TXNDC12: variants seen among roughly 807,000 people sequenced by gnomAD.
TXNDC12 encodes thioredoxin domain containing 12.
A neutral mutation model predicts 24.2 loss-of-function variants in TXNDC12; 22 were observed. That is an observed-to-expected ratio of 0.91 (90% CI 0.65 to 1.30). The LOEUF (loss-of-function observed/expected upper bound fraction) is 1.30, where lower values mean the gene tolerates loss of function less well. Among genes scored for constraint, TXNDC12 ranks in the 50% most tolerant of loss-of-function variants. The pLI, the probability that TXNDC12 is intolerant of heterozygous loss-of-function variation, is 0.00. For synonymous variants in TXNDC12, 58 were observed against 73.4 expected, an observed-to-expected ratio of 0.79 and a Z score of 1.07; for missense variants, 184 against 205.8, an observed-to-expected ratio of 0.89 and a Z score of 0.65.
rs1422817615 is a variant in TXNDC12, at chr1:52,055,172, C to G, written c.-76G>C. ...CCAGCAGACGGTCCACACAGTTCGCCGAGCGCCGCTCAGCACAACACCTCT... is the reference window on the plus strand; with the variant it reads ...CCAGCAGACGGTCCACACAGTTCGCGGAGCGCCGCTCAGCACAACACCTCT... On this transcript the variant is annotated 5_prime_UTR_variant, in exon 1 of 7. Transcript: ENST00000371626. 9.6e-7 allele frequency: 1 copy of G among 1,039,926 alleles called. No individual in the cohort carries two copies. Among genetic ancestry groups the G allele is most frequent in the Non-Finnish European group, 1.5e-6 (1 of 667,218 alleles). 64.4% of individuals were successfully genotyped at this position (1,039,926 alleles called of 1,614,324 possible).
rs111745022 is a variant in TXNDC12, at chr1:52,041,338, G to GA, written c.158+198dup. On this transcript the variant is annotated intron_variant, in intron 2 of 6. Transcript: ENST00000371626. ...AGAGAGTGAGACTCCATCTCAAAAA[G>GA]AAAAAAAAAAAAAGAAAAAAAACCC... Among the ~76,000 whole-genome samples, 516 of 100,994 alleles carry GA rather than the reference G, an allele frequency of 5.1e-3. 2 individuals are homozygous for GA. The highest frequency in any genetic ancestry group is 0.012 in the African/African-American group (344 of 27,894). 66.3% of individuals were successfully genotyped at this position (100,994 alleles called of 152,430 possible).
chr1:52,039,084 G>A (rs531341586), intron 2 of TXNDC12, among the ~76,000 whole-genome samples: 20 of 41,112 alleles, frequency 4.9e-4, no homozygotes, highest in African/African-American at 2.1e-3. Context: ...GCAAGACACC[G>A]TCTCAAAAAA....
chr1:52,046,470 C>G (rs1342034208), intron 1 of TXNDC12, among the ~76,000 whole-genome samples: 1 of 152,032 alleles, frequency 6.6e-6, no homozygotes, highest in African/African-American at 2.4e-5. Context: ...AGGTTTTTGG[C>G]CTGGACAAGT....
chr1:52,047,622 T>G (rs775027605), intron 1 of TXNDC12, among the ~76,000 whole-genome samples: 2 of 151,916 alleles, frequency 1.3e-5, no homozygotes, highest in African/African-American at 2.4e-5. Flanking sequence ...GAGAGAGAAC[T>G]AAGCCAGGCA....
At chr1:52,040,025 G>A (rs562587379) in intron 2 of TXNDC12, among the ~76,000 whole-genome samples, 2 of 151,726 alleles carry the variant, frequency 1.3e-5, no homozygotes, top group Non-Finnish European at 2.9e-5. Context: ...TCCACCTCCC[G>A]GGTTCAAGTG....
chr1:52,028,539 C>T (rs1034930681), intron 3 of TXNDC12, 39 bp downstream of exon 3: 8 of 1,545,082 alleles, frequency 5.2e-6, no homozygotes, highest in Non-Finnish European at 7.1e-6. Flanking sequence ...TTTAACAACA[C>T]ATCTGAGTTT....
At chr1:52,028,687 G>A in intron 2 of TXNDC12, 57 bp from the exon 3 acceptor site, 2 of 1,313,114 alleles carry the variant, frequency 1.5e-6, no homozygotes, top group East Asian at 4.7e-5. Flanking sequence ...GAAATTTAAT[G>A]ATAAAGATTA....
intron 2 of TXNDC12, among the ~76,000 whole-genome samples, chr1:52,038,863 A>G (rs1005513212): frequency 3.3e-5 from 5 of 150,750 alleles, no homozygotes. Flanking sequence ...GCATAGCTAC[A>G]GTGACAACTT....
At chr1:52,041,903 G>T (rs1686000018) in intron 1 of TXNDC12, among the ~76,000 whole-genome samples, 4 of 152,202 alleles carry the variant, frequency 2.6e-5, no homozygotes, top group Admixed American at 2.6e-4. Flanking sequence ...GAATGAACGA[G>T]AATTTCCCAC....
chr1:52,026,734 C>T (rs1364058394), intron 4 of TXNDC12, among the ~76,000 whole-genome samples: 1 of 151,934 alleles, frequency 6.6e-6, no homozygotes. Context: ...ACCCTCATAT[C>T]TACTAAAAAT....
chr1:52,029,041 T>A (rs1249629297), intron 2 of TXNDC12, among the ~76,000 whole-genome samples: 1 of 152,048 alleles, frequency 6.6e-6, no homozygotes. Context: ...AATATGAGAA[T>A]TGCTTAAGCC....
At chr1:52,041,332 CAAAAAGAAAAAAAA>C (rs1202611357) in intron 2 of TXNDC12, among the ~76,000 whole-genome samples, 191 bp downstream of exon 2, 6 of 132,998 alleles carry the variant, frequency 4.5e-5, no homozygotes, top group Non-Finnish European at 9.6e-5. Context: ...GACTCCATCT[CAAAAAGAAAAAAAA>C]AAAAAGAAAA....
intron 4 of TXNDC12, among the ~76,000 whole-genome samples, chr1:52,026,891 C>T (rs1685678433): frequency 6.6e-6 from 1 of 151,994 alleles, no homozygotes; most frequent in Non-Finnish European, 1.5e-5. Flanking sequence ...TAAAAATTAG[C>T]CTGGTGTGGT....
At chr1:52,049,572 C>G (rs1023854439) in intron 1 of TXNDC12, among the ~76,000 whole-genome samples, 1 of 152,136 alleles carries the variant, frequency 6.6e-6, no homozygotes, top group African/African-American at 2.4e-5. Flanking sequence ...GGCAACAGAG[C>G]AAGACTGTCT....
Position 52,021,146 on chromosome 1 carries a change from A to G in TXNDC12, c.440-134T>C, listed in dbSNP as rs966999947. On this transcript the variant is annotated intron_variant, in intron 6 of 6. Transcript: ENST00000371626. ...ATCTGGACTCAAGATCTAGCTCTGGATTTTGGCCCTGGCAAGTCATTTATC... is the reference window on the plus strand; with the variant it reads ...ATCTGGACTCAAGATCTAGCTCTGGGTTTTGGCCCTGGCAAGTCATTTATC... The G allele has an allele frequency of 7.6e-6, 5 of 656,982 alleles. No individual in the cohort carries two copies. In the African/African-American group the frequency reaches 9.1e-5, roughly 12 times the overall value. The allele number at this position is 656,982 out of a possible 1,614,324, so 40.7% of individuals were successfully genotyped here. A position where few individuals can be genotyped will look rare whatever the true frequency, so the allele number is the denominator to read the frequency against.
Position 52,052,885 on chromosome 1 carries a change from G to A in TXNDC12, c.97+2115C>T, listed in dbSNP as rs138998674. The stretch of plus-strand genomic sequence containing the variant: ...GATGCCCATTTTGCAGATGAGGAAC[G>A]GAGGCTTTGAGAGTTAAGAAACTTG... On this transcript the variant is annotated intron_variant, in intron 1 of 6. Coordinates refer to ENST00000371626, the MANE Select transcript of TXNDC12 (RefSeq NM_015913.4). 3.6e-4 allele frequency among the ~76,000 whole-genome samples: 55 copies of A among 152,242 alleles called. 1 individual carries two copies. The highest frequency in any genetic ancestry group is 7.2e-4 in the Admixed American group (11 of 15,270).
chr1:52,035,764 CTGCCT>C (rs1263201105), intron 2 of TXNDC12, among the ~76,000 whole-genome samples: 1 of 152,126 alleles, frequency 6.6e-6, no homozygotes, highest in African/African-American at 2.4e-5. Context: ...CTCCCCTGCC[CTGCCT>C]TTTCCTCCTC....
chr1:52,032,283 G>T, intron 2 of TXNDC12: 1 of 994,754 alleles, frequency 1.0e-6, no homozygotes, highest in Non-Finnish European at 1.2e-6. Context: ...TATGAAAAAA[G>T]GGCAGGTGCA....
At chr1:52,053,531 G>A (rs1202496836) in intron 1 of TXNDC12, among the ~76,000 whole-genome samples, 3 of 152,076 alleles carry the variant, frequency 2.0e-5, no homozygotes, top group Non-Finnish European at 4.4e-5. Context: ...AGACGTGGTG[G>A]CAGGCACCTG....
Sources: gnomAD v4.1 joint callset for allele counts (sites outside exome capture counted in the v4.1 genomes callset) on GRCh38, gnomAD v4.1.1 for gene constraint, MANE v1.5 for transcripts, NCBI Gene and HGNC (gene_info 2026-07-23, HGNC 2026-07-21) for gene names.